NCAPG: variants seen among roughly 807,000 people sequenced by gnomAD.
NCAPG encodes the protein non-SMC condensin I complex subunit G.
NCAPG carries 69 observed loss-of-function variants against 113.1 expected under a neutral mutation model. The ratio of observed to expected loss-of-function variants is 0.61; its 90% CI spans 0.50 to 0.75. NCAPG has a LOEUF of 0.75. Among genes scored for constraint, NCAPG ranks in the 30% least tolerant of loss-of-function variants. The pLI, the probability that NCAPG is intolerant of heterozygous loss-of-function variation, is 0.00. For synonymous variants in NCAPG, 370 were observed against 415.8 expected (o/e 0.89, Z 1.34); for missense variants, 1,058 against 1,177.0 (o/e 0.90, Z 1.48).
chr4:17,831,117 G>C lies in NCAPG; in HGVS notation c.1884+1G>C. On this transcript the variant is annotated splice_donor_variant, in intron 13 of 20. Transcript: ENST00000251496. LOFTEE classifies it high-confidence loss of function. Reference sequence around the variant, plus strand: ...GAAACACTTCGTATTACTATTGCAGGTAGGATTTATCTTGTGATAAATCTC... The same window carrying C: ...GAAACACTTCGTATTACTATTGCAGCTAGGATTTATCTTGTGATAAATCTC... 1 of 1,612,032 alleles carries C rather than the reference G, an allele frequency of 6.2e-7. No individual in the cohort carries two copies. Among genetic ancestry groups the C allele is most frequent in the Non-Finnish European group, 8.5e-7 (1 of 1,179,334 alleles).
In NCAPG at chr4:17,834,599, A is replaced by G. The variant is rs543573425; in HGVS notation, c.2109+76A>G. The G allele has an allele frequency of 6.5e-5, 65 of 993,476 alleles. No homozygotes were observed. The African/African-American group carries it at 1.1e-3, about 16-fold the overall frequency. The allele number at this position is 993,476 out of a possible 1,614,324, so 61.5% of individuals were successfully genotyped here. A position where few individuals can be genotyped will look rare whatever the true frequency, so the allele number is the denominator to read the frequency against. Reference sequence around the variant, plus strand: ...TTTGTTTATTATTATTATTTTTTAAATTTATTATAGTTTAAGTCCTGTGAT... The same window carrying G: ...TTTGTTTATTATTATTATTTTTTAAGTTTATTATAGTTTAAGTCCTGTGAT... On this transcript the variant is annotated intron_variant, in intron 14 of 20. Transcript: ENST00000251496.
intron 7 of NCAPG, among the ~76,000 whole-genome samples, chr4:17,821,594 G>C (rs934699806): frequency 1.3e-5 from 2 of 151,464 alleles, no homozygotes; most frequent in African/African-American, 4.9e-5. Context: ...CTCCTGAGTA[G>C]CTGGGATTAT....
Position 17,811,132 on chromosome 4 carries a change from C to A in NCAPG, c.55C>A (p.Gln19Lys). 6.6e-7 allele frequency: 1 copy of A among 1,520,592 alleles called. No homozygotes were observed. Among genetic ancestry groups the A allele is most frequent in the Non-Finnish European group, 8.8e-7 (1 of 1,134,042 alleles). 94.2% of individuals were successfully genotyped at this position (1,520,592 alleles called of 1,614,324 possible). The change falls in exon 1 of 21, where the codon CAG becomes AAG. Residue 19 changes from glutamine (Q) to lysine (K), a missense_variant. By Grantham distance (53) the Gln-to-Lys change is moderately conservative. Coordinates refer to ENST00000251496, the MANE Select transcript of NCAPG (RefSeq NM_022346.5). This position sits in a 1 kb window ranked among gnomAD's most constrained non-coding sequence, Gnocchi z 5.3. ...TAAGGAGGCCTTTCGGCTGGCGCAG[C>A]AGCCGCACCAGAACCAGGCGAAGCT... ...SIKEAFRLAQ[Q>K]PHQNQAKLVV...
chr4:17,814,810 T>G (rs1721132774), intron 3 of NCAPG, 43 bp from the exon 4 acceptor site: 9 of 1,565,662 alleles, frequency 5.7e-6, no homozygotes, highest in Non-Finnish European at 7.9e-6. Context: ...TGTAGTTAAA[T>G]AAATAATTTC....
At chr4:17,831,170 C>T (rs967516697) in intron 13 of NCAPG, 54 bp downstream of exon 13, 66 of 1,569,902 alleles carry the variant, frequency 4.2e-5, no homozygotes, top group Non-Finnish European at 5.3e-5. Context: ...TACTCTGTGG[C>T]GATAATGCTA....
rs1187425074 is a variant in NCAPG at position 17,811,563 on chromosome 4, G to A, written c.111+375G>A. On this transcript the variant is annotated intron_variant, in intron 1 of 20. Transcript: ENST00000251496. This position sits in a 1 kb window ranked among gnomAD's most constrained non-coding sequence, Gnocchi z 5.3. ...ACCGCAGAGTGGATCCTGAATGCGGGGGTTCAGTGGTCGTTGCCCCTGGGG... is the reference window on the plus strand; with the variant it reads ...ACCGCAGAGTGGATCCTGAATGCGGAGGTTCAGTGGTCGTTGCCCCTGGGG... Among the ~76,000 whole-genome samples the A allele has an allele frequency of 6.6e-6, 1 of 152,132 alleles. No homozygotes were observed. The highest frequency in any genetic ancestry group is 1.5e-5 in the Non-Finnish European group (1 of 68,022).
rs759736095 is a variant in NCAPG, at chr4:17,815,300, A to G, written c.717A>G (p.Arg239=). 2.3e-5 allele frequency: 36 copies of G among 1,596,584 alleles called. No individual in the cohort carries two copies. Among genetic ancestry groups the G allele is most frequent in the African/African-American group, 6.8e-5 (5 of 73,534 alleles). The part of the protein sequence containing the change: ...YQVLAEKVHM[R]AMSIAQRVML... ...TTTTAGCTGAAAAGGTTCATATGAG[A>G]GCTATGTCCATTGCTCAGAGAGTAA... is the stretch of plus-strand genomic sequence containing the variant. Residue 239 remains arginine, a synonymous_variant, in exon 5 of 21, where the codon AGA becomes AGG. Transcript: ENST00000251496.
intron 12 of NCAPG, among the ~76,000 whole-genome samples, chr4:17,829,775 T>C (rs1422150140): frequency 6.6e-6 from 1 of 152,236 alleles, no homozygotes; most frequent in African/African-American, 2.4e-5. Context: ...GAACATCTAT[T>C]ACATACTAAG....
chr4:17,838,305 T>C (rs1386242075), intron 16 of NCAPG, among the ~76,000 whole-genome samples: 1 of 152,234 alleles, frequency 6.6e-6, no homozygotes, highest in East Asian at 1.9e-4. Context: ...TGAAATTTAA[T>C]GTATTAGTGA....
intron 7 of NCAPG, 60 bp downstream of exon 7, chr4:17,818,148 A>C (rs1484916893): frequency 6.7e-6 from 10 of 1,501,864 alleles, no homozygotes; most frequent in African/African-American, 1.4e-5. Context: ...TCAATCTCCC[A>C]GTCCCCTTCC....
intron 7 of NCAPG, among the ~76,000 whole-genome samples, chr4:17,822,546 A>G (rs1560225456): frequency 6.6e-6 from 1 of 152,090 alleles, no homozygotes; most frequent in Non-Finnish European, 1.5e-5. Flanking sequence ...AGAACTTGAT[A>G]GATGCTTCTT....
intron 12 of NCAPG, among the ~76,000 whole-genome samples, chr4:17,828,920 A>T (rs1272497563): frequency 6.6e-6 from 1 of 150,484 alleles, no homozygotes; most frequent in East Asian, 1.9e-4. Context: ...CATTAAAAAA[A>T]GTGGCTTTTT....
rs372622767 is a variant in NCAPG, at chr4:17,825,010, G to A, written c.1426G>A (p.Val476Ile). Residue 476 changes from valine to isoleucine, a missense_variant, in exon 10 of 21, where the codon GTT (valine) becomes ATT (isoleucine). Physicochemically the swap from Val to Ile is conservative, Grantham distance 29 (BLOSUM62 3). Coordinates refer to ENST00000251496, the MANE Select transcript of NCAPG (RefSeq NM_022346.5). Reference protein sequence around the residue: ...ISEIRAPIVTVGVNNDPADVR... With the variant: ...ISEIRAPIVTIGVNNDPADVR... The stretch of plus-strand genomic sequence containing the variant: ...AGAGATTCGGGCGCCCATTGTTACT[G>A]TTGGTGTTAATAACGATCCAGCTGA... The A allele has an allele frequency of 1.9e-6, 3 of 1,612,828 alleles. No individual in the cohort carries two copies. The African/African-American group carries it at 4.0e-5, about 22-fold the overall frequency.
intron 5 of NCAPG, among the ~76,000 whole-genome samples, chr4:17,816,334 G>A (rs754323317): frequency 6.6e-6 from 1 of 152,258 alleles, no homozygotes; most frequent in African/African-American, 2.4e-5. Context: ...GGTAATGCTC[G>A]TTAGACCACG....
At chr4:17,837,037 A>G (rs1186217686) in intron 14 of NCAPG, 122 bp from the exon 15 acceptor site, 3 of 773,200 alleles carry the variant, frequency 3.9e-6, no homozygotes, top group Non-Finnish European at 5.9e-6. Context: ...CCTTTAAAGA[A>G]TTTGTAATAA....
At chr4:17,827,171 G>A (rs1166387888) in intron 11 of NCAPG, among the ~76,000 whole-genome samples, 1 of 152,194 alleles carries the variant, frequency 6.6e-6, no homozygotes, top group Non-Finnish European at 1.5e-5. Flanking sequence ...AAAACTTCAG[G>A]TCCATGTGAC....
At chr4:17,830,553 C>CTTTTT (rs770223582) in intron 12 of NCAPG, among the ~76,000 whole-genome samples, 2,161 of 137,268 alleles carry the variant, frequency 0.016, 52 homozygotes, top group African/African-American at 0.047. Context: ...ACTAGTTTCA[C>CTTTTT]TTTTTTTTTT....
chr4:17,833,913 G>T (rs1335885841), intron 13 of NCAPG, among the ~76,000 whole-genome samples: 1 of 152,062 alleles, frequency 6.6e-6, no homozygotes, highest in Non-Finnish European at 1.5e-5. Context: ...AGATGGGCTA[G>T]AACACTTTCA....
chr4:17,834,314 G>T lies in NCAPG; in HGVS notation c.1900G>T (p.Asp634Tyr). 1 of 1,586,710 alleles carries T rather than the reference G, an allele frequency of 6.3e-7. No homozygotes were observed. Among genetic ancestry groups the T allele is most frequent in the Non-Finnish European group, 8.6e-7 (1 of 1,167,160 alleles). Residue 634 changes from aspartate to tyrosine, a missense_variant, in exon 14 of 21, where the codon GAT (aspartate) becomes TAT (tyrosine). By Grantham distance (160) the Asp-to-Tyr change is radical. Transcript: ENST00000251496. ...CTTGATTTAGGTTTTGCAAATTGAT[G>T]ATGTCACAATAAAAATAAGTGCTTT... ...VLLLQVLQID[D>Y]VTIKISALKA...
Sources: gnomAD v4.1 joint callset for allele counts (sites outside exome capture counted in the v4.1 genomes callset) on GRCh38, gnomAD v4.1.1 for gene constraint, Gnocchi (gnomAD v3.1) non-coding constraint, MANE v1.5 for transcripts, NCBI Gene and HGNC (gene_info 2026-07-23, HGNC 2026-07-21) for gene names.